HPX: variants seen among roughly 807,000 people sequenced by gnomAD.
The protein encoded by HPX is beta-1B-glycoprotein.
In HPX, 42 loss-of-function variants were observed where a neutral mutation model predicts 53.8. The observed-to-expected ratio is 0.78, with a 90% confidence interval of 0.61 to 1.01. The LOEUF is 1.01. Ranked by LOEUF, HPX falls within the 50% of genes least tolerant of loss-of-function variation. The probability of loss-of-function intolerance (pLI) is 0.00; values close to 1 mark genes in which losing one functional copy is unlikely to be tolerated. For missense variants in HPX, 547 were observed against 594.3 expected (o/e 0.92, Z 0.83); for synonymous variants, 229 against 221.1 (o/e 1.04, Z -0.32).
Position 6,440,540 on chromosome 11 carries a change from T to A in HPX, c.143-2A>T, listed in dbSNP as rs112341898. The stretch of plus-strand genomic sequence containing the variant: ...AGCTCCAGCCATCTGAGCAGCGTTC[T>A]GGGGTGGAGGTAGGGAGATGGCAAA... On this transcript the variant is annotated splice_acceptor_variant, in intron 2 of 9. Coordinates refer to ENST00000265983, the MANE Select transcript of HPX (RefSeq NM_000613.3). LOFTEE classifies it high-confidence loss of function. 3 of 1,512,708 alleles carry A rather than the reference T, an allele frequency of 2.0e-6. No homozygotes were observed. Among genetic ancestry groups the A allele is most frequent in the Admixed American group, 1.9e-5 (1 of 52,614 alleles). The allele number at this position is 1,512,708 out of a possible 1,614,324, so 93.7% of individuals were successfully genotyped here.
At chr11:6,438,201 G>A (rs1032083951) in intron 5 of HPX, 155 bp downstream of exon 5, 13 of 726,834 alleles carry the variant, frequency 1.8e-5, no homozygotes, top group African/African-American at 8.8e-5. Context: ...CTTCCCTCAC[G>A]TGACCTCTAG....
chr11:6,431,769 C>A lies in HPX; in HGVS notation c.1001G>T (p.Gly334Val), dbSNP rs909983424. Residue 334 changes from glycine (G) to valine (V), a missense_variant, in exon 9 of 10, where the codon GGC becomes GTC. Coordinates refer to ENST00000265983, the MANE Select transcript of HPX (RefSeq NM_000613.3). ...TQVYVFLTKG[G>V]YTLVSGYPKR... ...CGGATAACCGCTTACTAGGGTATAGCCTCCCTTTGTCAGGAAGACATATAC... is the reference window on the plus strand; with the variant it reads ...CGGATAACCGCTTACTAGGGTATAGACTCCCTTTGTCAGGAAGACATATAC... 2 of 1,614,218 alleles carry A rather than the reference C, an allele frequency of 1.2e-6. No homozygotes were observed. The highest frequency in any genetic ancestry group is 1.6e-4 in the Middle Eastern group (1 of 6,062).
rs565324001 is a variant in HPX, at chr11:6,436,912, G to A, written c.835+134C>T. 6.8e-5 allele frequency: 64 copies of A among 943,180 alleles called. No homozygotes were observed. The African/African-American group carries it at 1.0e-3, about 15-fold the overall frequency. 58.4% of individuals were successfully genotyped at this position (943,180 alleles called of 1,614,324 possible). On this transcript the variant is annotated intron_variant, in intron 7 of 9. Coordinates refer to ENST00000265983, the MANE Select transcript of HPX (RefSeq NM_000613.3). ...GCCTCAGAGATGAGGGATGCAGAAG[G>A]GCATGCAGAAGGATGGGGACAGAGG...
At chr11:6,432,548 C>A (rs1206158767) in intron 7 of HPX, among the ~76,000 whole-genome samples, 1 of 152,148 alleles carries the variant, frequency 6.6e-6, no homozygotes, top group African/African-American at 2.4e-5. Flanking sequence ...TTTCCTCAAT[C>A]CTCTTCAATT....
intron 5 of HPX, 163 bp from the exon 6 acceptor site, chr11:6,437,815 G>C: frequency 3.2e-6 from 2 of 629,208 alleles, no homozygotes; most frequent in Non-Finnish European, 5.7e-6. Context: ...AAATTCAGCA[G>C]CAAAACACAC....
chr11:6,440,694 G>A lies in HPX; in HGVS notation c.120C>T (p.Thr40=), dbSNP rs147342868. 1 of 1,613,394 alleles carries A rather than the reference G, an allele frequency of 6.2e-7. No individual in the cohort carries two copies. Among genetic ancestry groups the A allele is most frequent in the African/African-American group, 1.3e-5 (1 of 74,702 alleles). Residue 40 remains threonine, a synonymous_variant, in exon 2 of 10, where the codon ACC becomes ACT. Coordinates refer to ENST00000265983, the MANE Select transcript of HPX (RefSeq NM_000613.3). ...SAHGNVAEGE[T]KPDPDVTERC... The stretch of plus-strand genomic sequence containing the variant: ...CACCAGTCACGTCTGGGTCTGGCTT[G>A]GTCTCGCCTTCAGCAACATTCCCAT...
chr11:6,431,102 A>T lies in HPX; in HGVS notation c.*109T>A. 1 of 1,445,812 alleles carries T rather than the reference A, an allele frequency of 6.9e-7. No homozygotes were observed. The highest frequency in any genetic ancestry group is 9.3e-7 in the Non-Finnish European group (1 of 1,073,182). The allele number at this position is 1,445,812 out of a possible 1,614,324, so 89.6% of individuals were successfully genotyped here. A position where few individuals can be genotyped will look rare whatever the true frequency, so the allele number is the denominator to read the frequency against. On this transcript the variant is annotated 3_prime_UTR_variant, in exon 10 of 10. Transcript: ENST00000265983. ...TATGAGAAACTGGGGAGGTGGGGCC[A>T]GGCCAGACTCATGTCAGAAGGCCCC...
chr11:6,432,068 A>T, intron 7 of HPX, 51 bp from the exon 8 acceptor site: 1 of 1,607,348 alleles, frequency 6.2e-7, no homozygotes, highest in South Asian at 1.1e-5. Context: ...GCCCAGGCAG[A>T]GAAGAGGCTA....
At chr11:6,431,492 T>C (rs1243332430) in intron 9 of HPX, 22 bp from the exon 10 acceptor site, 3 of 1,613,584 alleles carry the variant, frequency 1.9e-6, no homozygotes, top group South Asian at 2.2e-5. Context: ...GCACCAAACA[T>C]AGCATGGCTT....
In HPX at chr11:6,431,202, G is replaced by C. The variant is rs368119177; in HGVS notation, c.*9C>G. On this transcript the variant is annotated 3_prime_UTR_variant, in exon 10 of 10. Transcript: ENST00000265983. Reference sequence around the variant, plus strand: ...GTGGGGCCAGGCCAGACTCATGTCAGAAGGCCCCTCAGTGAGTGCAGCCCA... The same window carrying C: ...GTGGGGCCAGGCCAGACTCATGTCACAAGGCCCCTCAGTGAGTGCAGCCCA... The C allele has an allele frequency of 1.9e-6, 3 of 1,614,010 alleles. No individual in the cohort carries two copies. Among genetic ancestry groups the C allele is most frequent in the Non-Finnish European group, 2.5e-6 (3 of 1,179,878 alleles).
At position 6,438,373 on chromosome 11, in the gene HPX, C is replaced by A; in HGVS notation, c.473G>T (p.Gly158Val). The part of the protein sequence containing the change: ...ECHRGECQAE[G>V]VLFFQGDREW... The stretch of plus-strand genomic sequence containing the variant: ...GGACTGACCTTGGAAGAAGAGGACG[C>A]CTTCAGCTTGACATTCTCCACGGTG... Residue 158 changes from glycine to valine, a missense_variant, in exon 5 of 10, where the codon GGC becomes GTC. Gly to Val is a moderately radical substitution (Grantham distance 109, BLOSUM62 -3). Transcript: ENST00000265983. The A allele has an allele frequency of 1.2e-6, 2 of 1,614,166 alleles. No individual in the cohort carries two copies. Among genetic ancestry groups the A allele is most frequent in the South Asian group, 1.1e-5 (1 of 91,082 alleles).
chr11:6,432,029 C>T lies in HPX; in HGVS notation c.836-12G>A, dbSNP rs768431918. On this transcript the variant is annotated splice_polypyrimidine_tract_variant and intron_variant, in intron 7 of 9. Coordinates refer to ENST00000265983, the MANE Select transcript of HPX (RefSeq NM_000613.3). ...CCAGTAGTGGGTCCCTGTGGAATACCATAGGTTGCTCTAGGGCCGCTGGCA... is the reference window on the plus strand; with the variant it reads ...CCAGTAGTGGGTCCCTGTGGAATACTATAGGTTGCTCTAGGGCCGCTGGCA... 2 of 1,614,056 alleles carry T rather than the reference C, an allele frequency of 1.2e-6. No homozygotes were observed. The highest frequency in any genetic ancestry group is 8.5e-7 in the Non-Finnish European group (1 of 1,180,000).
intron 7 of HPX, among the ~76,000 whole-genome samples, chr11:6,433,893 C>T (rs1849382003): frequency 6.6e-6 from 1 of 152,228 alleles, no homozygotes; most frequent in Non-Finnish European, 1.5e-5. Context: ...AAATGCTTTT[C>T]CTCCAGCACA....
chr11:6,440,600 A>AAC, intron 2 of HPX, 62 bp from the exon 3 acceptor site: 1 of 1,153,024 alleles, frequency 8.7e-7, no homozygotes, highest in Non-Finnish European at 1.2e-6. Context: ...AAAAAAAAAA[A>AAC]AAACCAGAAG....
chr11:6,437,640 C>G lies in HPX; in HGVS notation c.503G>C (p.Trp168Ser). The G allele has an allele frequency of 6.2e-7, 1 of 1,613,926 alleles. No homozygotes were observed. Among genetic ancestry groups the G allele is most frequent in the East Asian group, 2.2e-5 (1 of 44,890 alleles). The change falls in exon 6 of 10, where the codon TGG becomes TCG. Residue 168 changes from tryptophan (W) to serine (S), a missense_variant. Trp to Ser is a radical substitution (Grantham distance 177). Transcript: ENST00000265983. ...GGTTCCCGTAGCCAAGTCCCAGAAC[C>G]ACTCGCGGTCACCTTTGTCCAATCA... is the stretch of plus-strand genomic sequence containing the variant. ...GVLFFQGDRE[W>S]FWDLATGTMK... is the part of the protein sequence containing the mutation.
Position 6,431,482 on chromosome 11 carries a change from G to C in HPX, c.1130-12C>G. 6.2e-7 allele frequency: 1 copy of C among 1,613,932 alleles called. No homozygotes were observed. ...CCACAGCCGCCGTCCTGGGGAGAAGGCACCAAACATAGCATGGCTTCCATG... is the reference window on the plus strand; with the variant it reads ...CCACAGCCGCCGTCCTGGGGAGAAGCCACCAAACATAGCATGGCTTCCATG... On this transcript the variant is annotated splice_polypyrimidine_tract_variant and intron_variant, in intron 9 of 9. Transcript: ENST00000265983.
chr11:6,439,906 G>C, intron 4 of HPX: 1 of 500,490 alleles, frequency 2.0e-6, no homozygotes, highest in South Asian at 2.0e-5. Flanking sequence ...GAGAAAAAAA[G>C]GATGGCCAGC....
chr11:6,440,567 TAAAAAAAAAAAAAAAAAAAAAAAAAAA>T, intron 2 of HPX, 29 bp from the exon 3 acceptor site: 1 of 588,998 alleles, frequency 1.7e-6, no homozygotes, highest in Non-Finnish European at 2.7e-6. Flanking sequence ...GATGGCAAAG[TAAAAAAAAAAAAAAAAAAAAAAAAAAA>T]AAAAAAAAAC....
chr11:6,433,906 G>A (rs1320805541), intron 7 of HPX, among the ~76,000 whole-genome samples: 3 of 152,240 alleles, frequency 2.0e-5, no homozygotes, highest in South Asian at 2.1e-4. Flanking sequence ...CCAGCACATC[G>A]TGTGGTTAAT....
Sources: gnomAD v4.1 joint callset for allele counts (sites outside exome capture counted in the v4.1 genomes callset) on GRCh38, gnomAD v4.1.1 for gene constraint, MANE v1.5 for transcripts, NCBI Gene and HGNC (gene_info 2026-07-23, HGNC 2026-07-21) for gene names.